Variants in TMED10 observed in about 807,000 individuals in gnomAD.
The protein encoded by TMED10 is transmembrane p24 trafficking protein 10, also known as transmembrane emp24 domain-containing protein 10.
Under a neutral mutation model 23.1 loss-of-function variants are expected in TMED10, and 7 were observed. The ratio of observed to expected loss-of-function variants is 0.30; its 90% confidence interval spans 0.17 to 0.57. The LOEUF is 0.57. TMED10 is among the 20% of genes least tolerant of loss of function. The probability of loss-of-function intolerance (pLI) is 0.91; values close to 1 mark genes in which losing one functional copy is unlikely to be tolerated. For missense variants in TMED10, 162 were observed against 274.8 expected, an observed-to-expected ratio of 0.59 and a Z score of 2.90; for synonymous variants, 113 against 106.9, an observed-to-expected ratio of 1.06 and a Z score of -0.35.
At chr14:75,140,353 C>T (rs1412563535) in intron 3 of TMED10, among the ~76,000 whole-genome samples, 1 of 152,006 alleles carries the variant, frequency 6.6e-6, no homozygotes, top group Non-Finnish European at 1.5e-5. Context: ...CCCTCCTCGG[C>T]CTCCCAAAGT....
intron 1 of TMED10, among the ~76,000 whole-genome samples, chr14:75,168,371 A>C (rs1381771082): frequency 4.6e-5 from 7 of 152,218 alleles, no homozygotes; most frequent in Non-Finnish European, 1.0e-4. Flanking sequence ...TTGTTGAATG[A>C]ATGAAAGAAT....
intron 3 of TMED10, among the ~76,000 whole-genome samples, chr14:75,146,849 T>C (rs1895888340): frequency 6.6e-6 from 1 of 152,172 alleles, no homozygotes; most frequent in Non-Finnish European, 1.5e-5. Context: ...TCTTTGACTA[T>C]TGTTATTTCC....
intron 3 of TMED10, among the ~76,000 whole-genome samples, chr14:75,144,742 G>C (rs1454060525): frequency 6.6e-6 from 1 of 152,172 alleles, no homozygotes; most frequent in Non-Finnish European, 1.5e-5. Flanking sequence ...TCAAGGGCCT[G>C]AAATTAAATC....
chr14:75,138,305 C>T (rs1353231138), intron 3 of TMED10, among the ~76,000 whole-genome samples: 1 of 152,150 alleles, frequency 6.6e-6, no homozygotes, highest in African/African-American at 2.4e-5. Context: ...GATAGACTTG[C>T]GATGATACAC....
At chr14:75,157,300 T>C (rs1224119704) in intron 1 of TMED10, among the ~76,000 whole-genome samples, 1 of 152,232 alleles carries the variant, frequency 6.6e-6, no homozygotes, top group Non-Finnish European at 1.5e-5. Context: ...ACTGGTCTTG[T>C]TATTCCTGTT....
intron 1 of TMED10, among the ~76,000 whole-genome samples, chr14:75,161,525 A>G (rs1896085253): frequency 6.6e-6 from 1 of 152,224 alleles, no homozygotes; most frequent in Non-Finnish European, 1.5e-5. Context: ...GTAACCACGA[A>G]CAACAATTTA....
At chr14:75,154,401 C>CGAAAAAAAAA (rs1246155366) in intron 1 of TMED10, among the ~76,000 whole-genome samples, 8 of 15,254 alleles carry the variant, frequency 5.2e-4, no homozygotes, top group African/African-American at 1.9e-3. Flanking sequence ...GACTCTGTCT[C>CGAAAAAAAAA]AAAAAAAAAA....
intron 3 of TMED10, among the ~76,000 whole-genome samples, chr14:75,137,661 C>T (rs1478103605): frequency 1.5e-4 from 22 of 144,446 alleles, no homozygotes; most frequent in Admixed American, 3.5e-4. Flanking sequence ...GGTGACAGAG[C>T]GAGACTCCAT....
At chr14:75,163,269 C>A (rs2080201) in intron 1 of TMED10, among the ~76,000 whole-genome samples, 8 of 151,382 alleles carry the variant, frequency 5.3e-5, no homozygotes, top group African/African-American at 1.7e-4. Context: ...AAAAAACTCA[C>A]GGGCCAGGCG....
intron 3 of TMED10, among the ~76,000 whole-genome samples, chr14:75,136,546 C>T (rs1895752063): frequency 6.6e-6 from 1 of 152,160 alleles, no homozygotes; most frequent in African/African-American, 2.4e-5. Flanking sequence ...ATGTGGGAGT[C>T]ATATTAAGTC....
intron 4 of TMED10, among the ~76,000 whole-genome samples, chr14:75,135,247 G>C (rs1339497507): frequency 6.6e-6 from 1 of 151,964 alleles, no homozygotes; most frequent in Non-Finnish European, 1.5e-5. Flanking sequence ...TCAGGAGATC[G>C]AGACCATCCT....
At chr14:75,145,960 G>A (rs1316252387) in intron 3 of TMED10, among the ~76,000 whole-genome samples, 3 of 152,024 alleles carry the variant, frequency 2.0e-5, no homozygotes, top group African/African-American at 4.8e-5. Context: ...TTATAATAAT[G>A]AGAACATTCT....
At chr14:75,151,860 A>G (rs1236850945) in intron 2 of TMED10, among the ~76,000 whole-genome samples, 172 bp downstream of exon 2, 4 of 152,198 alleles carry the variant, frequency 2.6e-5, no homozygotes, top group Non-Finnish European at 4.4e-5. Context: ...TCAATCTTTT[A>G]TTCCATGTAG....
intron 1 of TMED10, among the ~76,000 whole-genome samples, chr14:75,171,859 G>T (rs992654698): frequency 1.1e-4 from 16 of 151,798 alleles, no homozygotes; most frequent in African/African-American, 3.9e-4. Context: ...GCAATAAGGG[G>T]CACAAAAAGT....
rs1895741492 is a variant in TMED10, at chr14:75,135,753, C to A, written c.538+7G>T. 1 of 1,612,316 alleles carries A rather than the reference C, an allele frequency of 6.2e-7. No homozygotes were observed. Among genetic ancestry groups the A allele is most frequent in the South Asian group, 1.1e-5 (1 of 90,542 alleles). ...ACTTAAGAAGTAAGAGTCGCCTTCC[C>A]CCTCACCGTTGGTATCACGCATCTC... On this transcript the variant is annotated splice_region_variant and intron_variant, in intron 4 of 4. Transcript: ENST00000303575.
At chr14:75,154,506 TAAAGA>T (rs1274085895) in intron 1 of TMED10, among the ~76,000 whole-genome samples, 4 of 145,798 alleles carry the variant, frequency 2.7e-5, no homozygotes, top group Admixed American at 6.9e-5. Flanking sequence ...TGATAATAAC[TAAAGA>T]AAAGTTATCA....
intron 1 of TMED10, among the ~76,000 whole-genome samples, chr14:75,158,748 A>C (rs1896051769): frequency 6.6e-6 from 1 of 152,026 alleles, no homozygotes. Flanking sequence ...AACATGGAGA[A>C]ACCCCATCTC....
At chr14:75,164,532 AATATAT>A (rs368412262) in intron 1 of TMED10, among the ~76,000 whole-genome samples, 44 of 54,388 alleles carry the variant, frequency 8.1e-4, no homozygotes, top group African/African-American at 1.4e-3. Context: ...CACCTGGCCT[AATATAT>A]ATATATATAT....
intron 4 of TMED10, among the ~76,000 whole-genome samples, chr14:75,135,345 CAGG>C (rs1211061534): frequency 2.0e-5 from 3 of 152,116 alleles, no homozygotes; most frequent in Non-Finnish European, 2.9e-5. Context: ...GAGGCTGAGG[CAGG>C]AGAATTGCTT....
Sources: gnomAD v4.1 joint callset for allele counts (sites outside exome capture counted in the v4.1 genomes callset) on GRCh38, gnomAD v4.1.1 for gene constraint, MANE v1.5 for transcripts, NCBI Gene and HGNC (gene_info 2026-07-23, HGNC 2026-07-21) for gene names.